Variants in ABHD12 observed in about 807,000 individuals in gnomAD.
ABHD12 encodes abhydrolase domain containing 12, lysophospholipase.
A neutral mutation model predicts 58.3 loss-of-function variants in ABHD12; 43 were observed. The ratio of observed to expected loss-of-function variants is 0.74; its 90% CI spans 0.58 to 0.95. ABHD12 has a LOEUF of 0.95. ABHD12 is among the 40% of genes least tolerant of loss of function. The pLI, the probability that ABHD12 is intolerant of heterozygous loss-of-function variation, is 0.00. For synonymous variants in ABHD12, 219 were observed against 211.2 expected, an observed-to-expected ratio of 1.04 and a Z score of -0.32; for missense variants, 539 against 537.2, an observed-to-expected ratio of 1.00 and a Z score of -0.03.
intron 1 of ABHD12, among the ~76,000 whole-genome samples, chr20:25,388,250 C>G (rs1353380023): frequency 2.6e-5 from 4 of 152,110 alleles, no homozygotes; most frequent in Non-Finnish European, 5.9e-5. Flanking sequence ...ATAAAAGACA[C>G]AAACGAGCCG....
At chr20:25,368,339 C>A (rs923387534) in intron 1 of ABHD12, 56 of 1,543,864 alleles carry the variant, frequency 3.6e-5, no homozygotes, top group Non-Finnish European at 4.8e-5. Context: ...GGAACCACAG[C>A]GCTCCATGGC....
At chr20:25,343,834 C>T (rs35084391) in intron 1 of ABHD12, among the ~76,000 whole-genome samples, 19,573 of 152,124 alleles carry the variant, frequency 0.13, 2,043 homozygotes, top group East Asian at 0.57. Context: ...AAACTAAAGA[C>T]CCATATTCTC....
chr20:25,372,031 T>C (rs1436360453), intron 1 of ABHD12, among the ~76,000 whole-genome samples: 1 of 152,176 alleles, frequency 6.6e-6, no homozygotes, highest in Admixed American at 6.6e-5. Flanking sequence ...AGAGGGGATC[T>C]TTCTCTGTCA....
At chr20:25,360,716 G>A (rs935483022) in intron 1 of ABHD12, among the ~76,000 whole-genome samples, 1 of 152,174 alleles carries the variant, frequency 6.6e-6, no homozygotes, top group Admixed American at 6.5e-5. Flanking sequence ...AGGAATTAAG[G>A]TGACAGATCC....
intron 1 of ABHD12, among the ~76,000 whole-genome samples, chr20:25,363,851 G>A (rs1458741693): frequency 6.6e-6 from 1 of 151,972 alleles, no homozygotes; most frequent in Admixed American, 6.6e-5. Flanking sequence ...GGCAATAAGG[G>A]AGAAACTCTG....
chr20:25,339,426 A>C, intron 1 of ABHD12, 75 bp from the exon 2 acceptor site: 1 of 1,605,790 alleles, frequency 6.2e-7, no homozygotes, highest in Non-Finnish European at 8.5e-7. Flanking sequence ...TAGTGTTATC[A>C]AAATCCCTAA....
chr20:25,294,904 C>A, exon 13 of ABHD12: 2 of 1,556,956 alleles, frequency 1.3e-6, no homozygotes, highest in Non-Finnish European at 1.8e-6. Flanking sequence ...CCTCCACTTT[C>A]AGCTGCCTTT....
At chr20:25,329,353 C>T (rs73907312) in intron 2 of ABHD12, among the ~76,000 whole-genome samples, 1,595 of 152,346 alleles carry the variant, frequency 0.01, 19 homozygotes, top group African/African-American at 0.033. Flanking sequence ...TACAGGCCCC[C>T]GCACCATGGG....
At chr20:25,296,519 C>G (rs200916668), downstream of ABHD12, 9 of 1,612,324 alleles carry the variant, frequency 5.6e-6, no homozygotes, top group South Asian at 7.7e-5. Flanking sequence ...TCCCCCGGGA[C>G]TAGGCACACC....
At chr20:25,360,617 A>G (rs1271064270) in intron 1 of ABHD12, among the ~76,000 whole-genome samples, 1 of 152,220 alleles carries the variant, frequency 6.6e-6, no homozygotes, top group Non-Finnish European at 1.5e-5. Flanking sequence ...CTAAAATGAC[A>G]GTAAAATTTT....
chr20:25,322,381 A>ATATATATATAGATATATATTTTTTT, intron 3 of ABHD12, among the ~76,000 whole-genome samples: 1 of 59,270 alleles, frequency 1.7e-5, no homozygotes, highest in Non-Finnish European at 3.2e-5. Flanking sequence ...ATATATATAT[A>ATATATATATAGATATATATTTTTTT]TTTTTTTTTT....
chr20:25,298,133 G>C (rs2088579361), downstream of ABHD12: 1 of 152,286 alleles, frequency 6.6e-6, no homozygotes, highest in African/African-American at 2.4e-5. Context: ...AGACCTGCAA[G>C]TGGGCCACAG....
At chr20:25,339,153 C>A (rs1383433217) in intron 2 of ABHD12, 74 bp downstream of exon 2, 7 of 1,591,416 alleles carry the variant, frequency 4.4e-6, no homozygotes, top group Admixed American at 1.7e-5. Context: ...AAAAAGACTA[C>A]CCCTAAAATC....
In ABHD12 at chr20:25,312,766, A is replaced by G. The variant is rs2088877496; in HGVS notation, c.619+2159T>C. Among the ~76,000 whole-genome samples, 6 of 144,748 alleles carry G rather than the reference A, an allele frequency of 4.1e-5. No individual in the cohort carries two copies. In the South Asian group the frequency reaches 1.3e-3, roughly 32 times the overall value. The allele number at this position is 144,748 out of a possible 152,430, so 95.0% of individuals were successfully genotyped here. A position where few individuals can be genotyped will look rare whatever the true frequency, so the allele number is the denominator to read the frequency against. ...TCTGCCCGGCCGCCCATCGTCTGAG[A>G]TGTGGGGAGCGCCTCTGCCCCGCCG... On this transcript the variant is annotated intron_variant, in intron 6 of 12. Coordinates refer to ENST00000339157, the MANE Select transcript of ABHD12 (RefSeq NM_001042472.3).
chr20:25,375,255 C>T (rs182068630), intron 1 of ABHD12, among the ~76,000 whole-genome samples: 53 of 152,356 alleles, frequency 3.5e-4, no homozygotes, highest in Admixed American at 1.1e-3. Flanking sequence ...CCATTTAAGT[C>T]ACCTGGTCTG....
chr20:25,359,910 C>T (rs987742242), intron 1 of ABHD12, among the ~76,000 whole-genome samples: 4 of 152,138 alleles, frequency 2.6e-5, no homozygotes, highest in African/African-American at 9.7e-5. Flanking sequence ...CTTTGTCTGA[C>T]ATTATAGAAG....
chr20:25,330,014 C>T (rs2089242581), intron 2 of ABHD12, among the ~76,000 whole-genome samples: 1 of 152,364 alleles, frequency 6.6e-6, no homozygotes, highest in South Asian at 2.1e-4. Context: ...GTGAGCGACA[C>T]AGAAGACGGG....
At chr20:25,300,145 AGGCTGTGGGC>A, downstream of ABHD12, 1 of 965,666 alleles carries the variant, frequency 1.0e-6, no homozygotes, top group Non-Finnish European at 1.2e-6. Context: ...GCTAGAGGCT[AGGCTGTGGGC>A]GGCTCTGGGG....
At chr20:25,305,244 C>T (rs192891362) in intron 10 of ABHD12, among the ~76,000 whole-genome samples, 2 of 152,300 alleles carry the variant, frequency 1.3e-5, no homozygotes, top group Admixed American at 6.5e-5. Flanking sequence ...ATTTGTTCAA[C>T]TTTTAATTTG....
Sources: gnomAD v4.1 joint callset for allele counts (sites outside exome capture counted in the v4.1 genomes callset) on GRCh38, gnomAD v4.1.1 for gene constraint, MANE v1.5 for transcripts, NCBI Gene and HGNC (gene_info 2026-07-23, HGNC 2026-07-21) for gene names.